Variants in IMMP2L observed in about 807,000 individuals in gnomAD.
IMMP2L encodes mitochondrial inner membrane protease subunit 2.
IMMP2L carries 18 observed loss-of-function variants against 19.3 expected under a neutral mutation model. The ratio of observed to expected loss-of-function variants is 0.93; its 90% confidence interval spans 0.64 to 1.38. IMMP2L has a LOEUF of 1.38. Among genes scored for constraint, IMMP2L ranks in the 40% most tolerant of loss-of-function variants. IMMP2L has a pLI of 0.00. For synonymous variants in IMMP2L, 76 were observed against 73.0 expected, an observed-to-expected ratio of 1.04 and a Z score of -0.21; for missense variants, 233 against 218.2, an observed-to-expected ratio of 1.07 and a Z score of -0.43.
intron 3 of IMMP2L, among the ~76,000 whole-genome samples, chr7:111,117,907 A>T (rs1800086409): frequency 6.6e-6 from 1 of 152,124 alleles, no homozygotes; most frequent in Non-Finnish European, 1.5e-5. Context: ...AATAAAGTGC[A>T]AAGAAGAAGG....
At chr7:110,832,673 A>C (rs1247825866) in intron 5 of IMMP2L, among the ~76,000 whole-genome samples, 1 of 152,200 alleles carries the variant, frequency 6.6e-6, no homozygotes, top group African/African-American at 2.4e-5. Flanking sequence ...CATTTTGCAC[A>C]TAGTGATAAT....
At chr7:111,514,639 T>C (rs979305084) in intron 2 of IMMP2L, among the ~76,000 whole-genome samples, 2 of 152,112 alleles carry the variant, frequency 1.3e-5, no homozygotes, top group African/African-American at 2.4e-5. Context: ...ATATAAATTA[T>C]ACCTCAATAA....
chr7:110,731,914 T>C (rs575959978), intron 5 of IMMP2L, among the ~76,000 whole-genome samples: 2 of 152,222 alleles, frequency 1.3e-5, no homozygotes, highest in Non-Finnish European at 2.9e-5. Flanking sequence ...AGTCTCTTTG[T>C]AGAGTTCTTA....
chr7:111,528,259 C>CCCGA (rs1216489617), intron 1 of IMMP2L, among the ~76,000 whole-genome samples: 3 of 152,090 alleles, frequency 2.0e-5, no homozygotes, highest in African/African-American at 7.2e-5. Flanking sequence ...AGTACCTAGC[C>CCCGA]CCGACTTCCT....
chr7:111,021,118 C>T lies in IMMP2L; in HGVS notation c.240-57553G>A, dbSNP rs540809539. ...CCACACTATTCAGAATAACACTGCTCAATATAGAGAGTGGGTGAACAATAC... is the reference window on the plus strand; with the variant it reads ...CCACACTATTCAGAATAACACTGCTTAATATAGAGAGTGGGTGAACAATAC... On this transcript the variant is annotated intron_variant, in intron 3 of 5. Transcript: ENST00000405709. 2.0e-4 allele frequency among the ~76,000 whole-genome samples: 31 copies of T among 152,244 alleles called. No individual in the cohort carries two copies. In the East Asian group the frequency reaches 4.4e-3, roughly 22 times the overall value.
chr7:110,672,055 T>A (rs1251808345), intron 5 of IMMP2L, among the ~76,000 whole-genome samples: 1 of 152,084 alleles, frequency 6.6e-6, no homozygotes, highest in Non-Finnish European at 1.5e-5. Context: ...TTTCAGAACT[T>A]GTATTATTCC....
intron 5 of IMMP2L, among the ~76,000 whole-genome samples, chr7:110,672,172 A>G (rs537843398): frequency 6.6e-6 from 1 of 152,254 alleles, no homozygotes. Flanking sequence ...TTACAATCAT[A>G]GCAGAAGGGG....
chr7:111,364,370 C>G (rs1298627339), intron 3 of IMMP2L, among the ~76,000 whole-genome samples: 1 of 151,338 alleles, frequency 6.6e-6, no homozygotes, highest in Non-Finnish European at 1.5e-5. Flanking sequence ...TTTTTTGCAA[C>G]TAGGCAGAGT....
At chr7:110,919,914 C>T (rs1039420479) in intron 4 of IMMP2L, among the ~76,000 whole-genome samples, 1 of 152,092 alleles carries the variant, frequency 6.6e-6, no homozygotes, top group Admixed American at 6.6e-5. Flanking sequence ...TTGCTGCCAG[C>T]TTGGCTAGAA....
intron 4 of IMMP2L, among the ~76,000 whole-genome samples, chr7:110,918,619 C>A (rs1813900262): frequency 6.6e-6 from 1 of 151,534 alleles, no homozygotes; most frequent in South Asian, 2.1e-4. Flanking sequence ...CCACAGTTGG[C>A]TAATTTTTGT....
At chr7:110,751,844 A>C (rs1797738921) in intron 5 of IMMP2L, among the ~76,000 whole-genome samples, 1 of 152,024 alleles carries the variant, frequency 6.6e-6, no homozygotes, top group Admixed American at 6.6e-5. Context: ...TTTTAAACAA[A>C]ATGAAAGAAT....
chr7:110,798,875 T>C (rs947380446), intron 5 of IMMP2L, among the ~76,000 whole-genome samples: 1 of 151,944 alleles, frequency 6.6e-6, no homozygotes, highest in African/African-American at 2.4e-5. Flanking sequence ...AATTTATATA[T>C]AAGGAACTCT....
chr7:111,294,902 A>G lies in IMMP2L; in HGVS notation c.239+192336T>C, dbSNP rs185482578. ...GTATTTCTTACCCCAGCTAAGTATA[A>G]TGTAGCAATAAATGGACTTTTCAAT... On this transcript the variant is annotated intron_variant, in intron 3 of 5. Transcript: ENST00000405709. Among the ~76,000 whole-genome samples, 65 of 152,066 alleles carry G rather than the reference A, an allele frequency of 4.3e-4. 1 individual carries two copies. Among genetic ancestry groups the G allele is most frequent in the Admixed American group, 3.7e-3 (57 of 15,252 alleles).
intron 3 of IMMP2L, among the ~76,000 whole-genome samples, chr7:111,338,621 A>C (rs1826700337): frequency 6.6e-6 from 1 of 152,132 alleles, no homozygotes; most frequent in African/African-American, 2.4e-5. Flanking sequence ...GAAGGAAATA[A>C]AAATTGTTGA....
chr7:110,890,275 GTA>G (rs781208928), intron 4 of IMMP2L, among the ~76,000 whole-genome samples: 64 of 152,146 alleles, frequency 4.2e-4, no homozygotes, highest in Non-Finnish European at 8.1e-4. Flanking sequence ...GTAAGTGAAA[GTA>G]TACTCTATTT....
intron 2 of IMMP2L, among the ~76,000 whole-genome samples, chr7:111,501,695 A>C (rs1844280512): frequency 6.6e-6 from 1 of 152,180 alleles, no homozygotes; most frequent in Non-Finnish European, 1.5e-5. Flanking sequence ...AAGAATTTTC[A>C]ACCCAGAATT....
rs559158389 is a variant in IMMP2L, at chr7:111,332,007, T to C, written c.239+155231A>G. Among the ~76,000 whole-genome samples, 5 of 151,988 alleles carry C rather than the reference T, an allele frequency of 3.3e-5. No homozygotes were observed. The East Asian group carries it at 9.7e-4, about 29-fold the overall frequency. ...ACACACGGGAAAATACATCATGTGC[T>C]ATATGCTATATATTATGTGCTGTTT... On this transcript the variant is annotated intron_variant, in intron 3 of 5. Transcript: ENST00000405709.
intron 1 of IMMP2L, among the ~76,000 whole-genome samples, chr7:111,529,528 G>A (rs1847198723): frequency 6.6e-6 from 1 of 152,036 alleles, no homozygotes; most frequent in Non-Finnish European, 1.5e-5. Context: ...TGACCTAGTA[G>A]TTCTCACTTG....
intron 3 of IMMP2L, among the ~76,000 whole-genome samples, chr7:111,232,373 GTT>G (rs373241535): frequency 9.0e-5 from 12 of 133,174 alleles, no homozygotes; most frequent in African/African-American, 1.9e-4. Flanking sequence ...ATTTTGGAGG[GTT>G]TTTTTTTTTT....
Sources: gnomAD v4.1 joint callset for allele counts (sites outside exome capture counted in the v4.1 genomes callset) on GRCh38, gnomAD v4.1.1 for gene constraint, MANE v1.5 for transcripts, NCBI Gene and HGNC (gene_info 2026-07-23, HGNC 2026-07-21) for gene names.